The following CAMK4 variants were observed in gnomAD, a reference collection of about 807,000 sequenced individuals.
CAMK4 encodes calcium/calmodulin dependent protein kinase IV, also known as calcium/calmodulin-dependent protein kinase type IV.
CAMK4 carries 22 observed loss-of-function variants against 44.9 expected under a neutral mutation model. That is an observed-to-expected ratio of 0.49 (90% CI 0.35 to 0.70). The LOEUF is 0.70. Among genes scored for constraint, CAMK4 ranks in the 30% least tolerant of loss-of-function variants. The pLI is 0.01. For synonymous variants in CAMK4, 218 were observed against 215.4 expected (o/e 1.01, Z -0.11); for missense variants, 498 against 586.8 (o/e 0.85, Z 1.56).
chr5:111,433,142 T>C (rs1753521353), intron 5 of CAMK4, among the ~76,000 whole-genome samples: 1 of 152,236 alleles, frequency 6.6e-6, no homozygotes, highest in African/African-American at 2.4e-5. Context: ...CAGATTATCC[T>C]GTTTCCCATG....
chr5:111,351,752 T>C (rs1194950980), intron 2 of CAMK4, among the ~76,000 whole-genome samples: 1 of 152,078 alleles, frequency 6.6e-6, no homozygotes, highest in Non-Finnish European at 1.5e-5. Flanking sequence ...TTTAAAATGG[T>C]ACTCATAAAA....
chr5:111,443,277 TATACACACACAC>T (rs1350807763), intron 5 of CAMK4, among the ~76,000 whole-genome samples: 385 of 40,824 alleles, frequency 9.4e-3, no homozygotes, highest in African/African-American at 0.024. Context: ...TATATATATA[TATACACACACAC>T]ACACACACAC....
intron 2 of CAMK4, among the ~76,000 whole-genome samples, chr5:111,344,311 G>T (rs1380839176): frequency 1.3e-5 from 2 of 151,680 alleles, no homozygotes; most frequent in Non-Finnish European, 2.9e-5. Context: ...ATTGGATGTG[G>T]TTCTGGGGAG....
chr5:111,240,707 G>A (rs1320113941), intron 1 of CAMK4, among the ~76,000 whole-genome samples: 1 of 152,168 alleles, frequency 6.6e-6, no homozygotes, highest in Non-Finnish European at 1.5e-5. Context: ...ATTCATTCTG[G>A]AAGGCCTCTC....
chr5:111,468,794 A>G (rs1754937432), intron 7 of CAMK4, among the ~76,000 whole-genome samples: 1 of 152,148 alleles, frequency 6.6e-6, no homozygotes, highest in Non-Finnish European at 1.5e-5. Flanking sequence ...CCTGACCAAC[A>G]TGGTGAAACC....
chr5:111,261,742 C>T (rs1446543924), intron 1 of CAMK4, among the ~76,000 whole-genome samples: 1 of 152,102 alleles, frequency 6.6e-6, no homozygotes, highest in Non-Finnish European at 1.5e-5. Context: ...CAGAATTTGC[C>T]TCTTACCCCT....
chr5:111,443,319 A>ATATATAC (rs1561491434), intron 5 of CAMK4, among the ~76,000 whole-genome samples: 7 of 137,346 alleles, frequency 5.1e-5, no homozygotes, highest in African/African-American at 1.6e-4. Context: ...CACACACTAT[A>ATATATAC]TATATATACT....
intron 5 of CAMK4, among the ~76,000 whole-genome samples, chr5:111,419,344 C>T (rs1337467683): frequency 6.6e-6 from 1 of 152,072 alleles, no homozygotes; most frequent in African/African-American, 2.4e-5. Context: ...TGGATATTAG[C>T]CCTTTGTCAG....
chr5:111,293,091 A>G (rs942315676), intron 1 of CAMK4, among the ~76,000 whole-genome samples: 6 of 152,172 alleles, frequency 3.9e-5, no homozygotes, highest in Non-Finnish European at 5.9e-5. Context: ...TAAACTGAAT[A>G]TAATTGGTAT....
intron 8 of CAMK4, among the ~76,000 whole-genome samples, chr5:111,475,182 A>AACAAG (rs1755194268): frequency 6.6e-6 from 1 of 152,004 alleles, no homozygotes; most frequent in South Asian, 2.1e-4. Flanking sequence ...AACAAAACAA[A>AACAAG]ACAAAAGAAA....
At chr5:111,474,153 CA>C (rs1755158052) in intron 8 of CAMK4, among the ~76,000 whole-genome samples, 1 of 152,256 alleles carries the variant, frequency 6.6e-6, no homozygotes, top group East Asian at 1.9e-4. Flanking sequence ...ACTTAGTTGC[CA>C]TTTAGAGAGT....
chr5:111,342,050 G>C (rs1374072692), intron 1 of CAMK4, among the ~76,000 whole-genome samples: 1 of 151,424 alleles, frequency 6.6e-6, no homozygotes, highest in Non-Finnish European at 1.5e-5. Context: ...AGTCTATAAA[G>C]TATGTGAGTC....
chr5:111,308,313 CT>C, intron 1 of CAMK4, among the ~76,000 whole-genome samples: 1 of 151,498 alleles, frequency 6.6e-6, no homozygotes, highest in Non-Finnish European at 1.5e-5. Flanking sequence ...ACTTTATTAA[CT>C]AATAAAATAT....
chr5:111,416,831 A>G (rs1252169134), intron 5 of CAMK4, among the ~76,000 whole-genome samples: 1 of 152,182 alleles, frequency 6.6e-6, no homozygotes, highest in African/African-American at 2.4e-5. Context: ...CCATAATACT[A>G]ATGTTATAAT....
At chr5:111,376,963 TA>T (rs751970890) in intron 4 of CAMK4, 21 bp downstream of exon 4, 2 of 1,513,622 alleles carry the variant, frequency 1.3e-6, no homozygotes, top group Admixed American at 1.8e-5. Flanking sequence ...TCTGGAAATA[TA>T]ACCACAGAAA....
In CAMK4 at chr5:111,418,832, C is replaced by T. The variant is rs371626964; in HGVS notation, c.459+24050C>T. ...GTATATGGGCCACATTTTCTTAATC[C>T]AGTCTATTGTTGTTGGACATTTTGG... On this transcript the variant is annotated intron_variant, in intron 5 of 10. Transcript: ENST00000282356. Among the ~76,000 whole-genome samples the T allele has an allele frequency of 5.9e-5, 9 of 152,226 alleles. No individual in the cohort carries two copies. In the South Asian group the frequency reaches 1.5e-3, roughly 25 times the overall value.
intron 1 of CAMK4, among the ~76,000 whole-genome samples, chr5:111,229,675 C>T (rs1022262057): frequency 2.0e-5 from 3 of 152,230 alleles, no homozygotes; most frequent in African/African-American, 4.8e-5. Flanking sequence ...CTGCTGGCTT[C>T]TGATCTCCTG....
intron 7 of CAMK4, among the ~76,000 whole-genome samples, chr5:111,469,113 T>C (rs1443553795): frequency 7.2e-5 from 9 of 124,888 alleles, no homozygotes; most frequent in Admixed American, 3.0e-4. Flanking sequence ...CATTGGGCTC[T>C]AGTCTGGGCA....
At chr5:111,252,591 G>A (rs438560) in intron 1 of CAMK4, among the ~76,000 whole-genome samples, 152,185 of 152,342 alleles carry the variant, frequency 1, 76,016 homozygotes, top group Middle Eastern at 1. Context: ...GTAATACTCA[G>A]TTTAAGAACT....
Sources: gnomAD v4.1 joint callset for allele counts (sites outside exome capture counted in the v4.1 genomes callset) on GRCh38, gnomAD v4.1.1 for gene constraint, MANE v1.5 for transcripts, NCBI Gene and HGNC (gene_info 2026-07-23, HGNC 2026-07-21) for gene names.